The following IFT140 variants were observed in gnomAD, a reference collection of about 807,000 sequenced individuals.
IFT140 encodes the protein intraflagellar transport 140, also known as intraflagellar transport protein 140 homolog.
In IFT140, 133 loss-of-function variants were observed where a neutral mutation model predicts 164.6. The observed-to-expected ratio is 0.81, with a 90% confidence interval of 0.70 to 0.93. IFT140 has a LOEUF of 0.93. IFT140 is among the 40% of genes least tolerant of loss of function. The pLI, the probability that IFT140 is intolerant of heterozygous loss-of-function variation, is 0.00. For synonymous variants in IFT140, 860 were observed against 817.3 expected (o/e 1.05, Z -0.89); for missense variants, 2,045 against 1,972.3 (o/e 1.04, Z -0.70).
At chr16:1,534,389 G>C (rs1194888416) in intron 19 of IFT140, 1 of 1,612,802 alleles carries the variant, frequency 6.2e-7, no homozygotes, top group East Asian at 2.2e-5. Flanking sequence ...TGGAGGATGG[G>C]CGCAGGCGCA....
intron 12 of IFT140, among the ~76,000 whole-genome samples, chr16:1,581,575 G>C (rs1012340981): frequency 6.9e-6 from 1 of 144,742 alleles, no homozygotes; most frequent in Non-Finnish European, 1.5e-5. Context: ...ACTCCAGCCT[G>C]GGTGACACAG....
chr16:1,557,124 T>C (rs558115695), intron 19 of IFT140, among the ~76,000 whole-genome samples: 3 of 152,198 alleles, frequency 2.0e-5, no homozygotes, highest in African/African-American at 7.2e-5. Context: ...CCCGGCCATA[T>C]TGAAGGTTTA....
chr16:1,584,942 G>A (rs969361671), intron 10 of IFT140, among the ~76,000 whole-genome samples: 7 of 152,140 alleles, frequency 4.6e-5, no homozygotes, highest in Admixed American at 1.3e-4. Context: ...GCTCTGAAAG[G>A]GCTCAGATGT....
chr16:1,512,313 C>T (rs1476416002), intron 30 of IFT140, among the ~76,000 whole-genome samples: 1 of 151,864 alleles, frequency 6.6e-6, no homozygotes, highest in Non-Finnish European at 1.5e-5. Flanking sequence ...AGGGTGTGTG[C>T]GGGCTGTGCT....
Position 1,523,900 on chromosome 16 carries a change from G to GTCCTCGGGGGAGCGC in IFT140, c.3197_3198insGCGCTCCCCCGAGGA (p.Glu1065_Asp1066insGluArgSerProGlu), listed in dbSNP as rs1401532147. 1 of 1,613,482 alleles carries GTCCTCGGGGGAGCGC rather than the reference G, an allele frequency of 6.2e-7. No individual in the cohort carries two copies. The highest frequency in any genetic ancestry group is 1.7e-5 in the Admixed American group (1 of 60,022). ...CGTAGTATCGGGCCGCCTCGATCAT[G>GTCCTCGGGGGAGCGC]TCCTCGGGGGAGCTCAGCAGGGCCA... On this transcript the variant is annotated inframe_insertion, in exon 25 of 31. Transcript: ENST00000426508.
intron 22 of IFT140, 47 bp from the exon 23 acceptor site, chr16:1,524,963 A>G: frequency 6.4e-7 from 1 of 1,572,778 alleles, no homozygotes; most frequent in East Asian, 2.3e-5. Flanking sequence ...GCCCCGCTCC[A>G]ACCCGGGACG....
intron 4 of IFT140, 31 bp from the exon 5 acceptor site, chr16:1,592,619 A>G: frequency 6.2e-7 from 1 of 1,607,284 alleles, no homozygotes; most frequent in Non-Finnish European, 8.5e-7. Context: ...GTGTTAGGAC[A>G]GGTGTCCCGG....
chr16:1,594,004 A>G (rs999600074), intron 4 of IFT140, among the ~76,000 whole-genome samples: 3 of 152,112 alleles, frequency 2.0e-5, no homozygotes, highest in African/African-American at 7.2e-5. Flanking sequence ...TCATTCATTC[A>G]ATCCTGTGTT....
At chr16:1,585,210 T>G (rs1481216137) in intron 10 of IFT140, among the ~76,000 whole-genome samples, 1 of 152,228 alleles carries the variant, frequency 6.6e-6, no homozygotes, top group Non-Finnish European at 1.5e-5. Flanking sequence ...ACGTGGTCTG[T>G]TCACAGCAGA....
At chr16:1,539,555 T>C (rs961101688) in intron 19 of IFT140, among the ~76,000 whole-genome samples, 3 of 152,282 alleles carry the variant, frequency 2.0e-5, no homozygotes, top group Admixed American at 6.5e-5. Context: ...GCCACCAGGC[T>C]GGCTCTCAGC....
Position 1,553,724 on chromosome 16 carries a change from G to C in IFT140, c.2399+4211C>G. On this transcript the variant is annotated intron_variant, in intron 19 of 30. Transcript: ENST00000426508. The surrounding 1 kb of genome is among the most constrained non-coding windows in gnomAD (Gnocchi z 4.4). ...CCCATGGCCTCCAGGACAATCTGTGGCCACATCCCCATGGCTGTAGGGGAT... is the reference window on the plus strand; with the variant it reads ...CCCATGGCCTCCAGGACAATCTGTGCCCACATCCCCATGGCTGTAGGGGAT... 1 of 1,124,262 alleles carries C rather than the reference G, an allele frequency of 8.9e-7. No individual in the cohort carries two copies. Among genetic ancestry groups the C allele is most frequent in the Non-Finnish European group, 1.1e-6 (1 of 906,114 alleles). The allele number at this position is 1,124,262 out of a possible 1,614,324, so 69.6% of individuals were successfully genotyped here.
chr16:1,567,928 C>T (rs2033807168), intron 15 of IFT140, among the ~76,000 whole-genome samples: 1 of 152,302 alleles, frequency 6.6e-6, no homozygotes, highest in South Asian at 2.1e-4. Context: ...GAGCAACTCT[C>T]CAACAAGGAA....
intron 4 of IFT140, 51 bp from the exon 5 acceptor site, chr16:1,592,639 TGGTG>T (rs2035240898): frequency 6.3e-7 from 1 of 1,576,628 alleles, no homozygotes; most frequent in African/African-American, 1.4e-5. Context: ...GCAGAGCGAC[TGGTG>T]GAGGGACAGG....
chr16:1,592,390 T>A, intron 5 of IFT140, 72 bp from the exon 6 acceptor site: 2 of 1,611,298 alleles, frequency 1.2e-6, no homozygotes, highest in Non-Finnish European at 1.7e-6. Flanking sequence ...GGGCCCCTCC[T>A]GGGTCAGGAG....
At chr16:1,562,249 G>T (rs773710382) in intron 17 of IFT140, 133 bp from the exon 18 acceptor site, 16 of 695,366 alleles carry the variant, frequency 2.3e-5, no homozygotes, top group Non-Finnish European at 3.4e-5. Flanking sequence ...TGGTGGGGTC[G>T]GGTGCTTTGC....
rs78178397 is a variant in IFT140, at chr16:1,524,793, A to G, written c.2988T>C (p.Asn996=). Reference sequence around the variant, plus strand: ...CCTGCGGGGACCTTACCTTCTGGACATTGCCCTGGAAGCAGTGGATGCGGA... The same window carrying G: ...CCTGCGGGGACCTTACCTTCTGGACGTTGCCCTGGAAGCAGTGGATGCGGA... ...SLVRIHCFQG[N]VQKAAQIANE... Residue 996 remains asparagine (N), a synonymous_variant, in exon 23 of 31, where the codon AAT becomes AAC. Transcript: ENST00000426508. 5.1e-4 allele frequency: 826 copies of G among 1,608,188 alleles called. 9 individuals are homozygous for G. In the African/African-American group the frequency reaches 9.5e-3, roughly 18 times the overall value.
intron 21 of IFT140, among the ~76,000 whole-genome samples, chr16:1,525,594 G>A (rs2040665421): frequency 6.6e-6 from 1 of 152,206 alleles, no homozygotes; most frequent in Non-Finnish European, 1.5e-5. Context: ...GGTGACATGG[G>A]GTTTGTCTGT....
In IFT140 at chr16:1,523,513, C is replaced by G. The variant is rs753487822; in HGVS notation, c.3453+5G>C. 1.2e-6 allele frequency: 2 copies of G among 1,608,500 alleles called. No homozygotes were observed. The highest frequency in any genetic ancestry group is 2.2e-5 in the East Asian group (1 of 44,864). ...AGCCGAGCCCAGGCCCCGCTGGCCC[C>G]GTACCTTCCTGGCAGCCAGCAGCAG... On this transcript the variant is annotated splice_donor_5th_base_variant and intron_variant, in intron 26 of 30. Transcript: ENST00000426508.
intron 19 of IFT140, among the ~76,000 whole-genome samples, chr16:1,529,232 A>C (rs2030176175): frequency 6.6e-6 from 1 of 152,226 alleles, no homozygotes; most frequent in Admixed American, 6.5e-5. Flanking sequence ...CCAACCTGGC[A>C]GCCCCTGCCA....
Sources: allele counts gnomAD v4.1 joint callset (sites outside exome capture counted in the v4.1 genomes callset), GRCh38; gene constraint gnomAD v4.1.1; non-coding constraint Gnocchi (gnomAD v3.1); transcripts MANE v1.5; gene names NCBI Gene and HGNC (gene_info 2026-07-23, HGNC 2026-07-21).